DOCK9: variants seen among roughly 807,000 people sequenced by gnomAD.
DOCK9 encodes the protein dedicator of cytokinesis 9, also known as dedicator of cytokinesis protein 9.
Under a neutral mutation model 263.3 loss-of-function variants are expected in DOCK9, and 89 were observed. That is an observed-to-expected ratio of 0.34 (90% CI 0.28 to 0.40). The LOEUF is 0.40. Among genes scored for constraint, DOCK9 ranks in the 10% least tolerant of loss-of-function variants. DOCK9 has a pLI of 1.00. For synonymous variants in DOCK9, 976 were observed against 973.1 expected, an observed-to-expected ratio of 1.00 and a Z score of -0.06; for missense variants, 2,140 against 2,603.4, an observed-to-expected ratio of 0.82 and a Z score of 3.87.
chr13:98,884,905 T>C, intron 21 of DOCK9, 66 bp downstream of exon 21: 1 of 1,515,810 alleles, frequency 6.6e-7, no homozygotes, highest in Non-Finnish European at 9.0e-7. Flanking sequence ...GTGTTATTGT[T>C]GTTTTAGTTG....
intron 38 of DOCK9, among the ~76,000 whole-genome samples, chr13:98,839,202 A>G (rs2093120396): frequency 6.6e-6 from 1 of 152,198 alleles, no homozygotes; most frequent in South Asian, 2.1e-4. Context: ...CGTCTCTCCA[A>G]ATTTAGTGAG....
At chr13:99,053,190 A>C (rs1378057951) in intron 1 of DOCK9, among the ~76,000 whole-genome samples, 1 of 152,208 alleles carries the variant, frequency 6.6e-6, no homozygotes, top group African/African-American at 2.4e-5. Flanking sequence ...TTTTCTATTG[A>C]AATCAGATAA....
rs75508770 is a variant in DOCK9 at position 98,989,195 on chromosome 13, A to G, written c.130-33644T>C. Among the ~76,000 whole-genome samples the G allele has an allele frequency of 1.2e-4, 19 of 152,128 alleles. No homozygotes were observed. In the East Asian group the frequency reaches 3.5e-3, roughly 28 times the overall value. On this transcript the variant is annotated intron_variant, in intron 1 of 32. Transcript: ENST00000427887. ...GAGACCCTCCAGAATATTCCATCCC[A>G]AAGAATATTTTCCTCCTTGGTACTC...
chr13:98,904,095 C>T (rs2048738453), intron 10 of DOCK9, among the ~76,000 whole-genome samples: 1 of 152,156 alleles, frequency 6.6e-6, no homozygotes, highest in African/African-American at 2.4e-5. Flanking sequence ...CTGAACCGTA[C>T]ACTTAAAAAT....
chr13:99,041,036 GCTA>G (rs1179143674), intron 1 of DOCK9, among the ~76,000 whole-genome samples: 2 of 152,184 alleles, frequency 1.3e-5, no homozygotes, highest in African/African-American at 4.8e-5. Flanking sequence ...ACAGTGTGGA[GCTA>G]CTGTGTATGG....
chr13:99,034,318 C>T (rs7338227), intron 1 of DOCK9, among the ~76,000 whole-genome samples: 75,221 of 151,912 alleles, frequency 0.5, 18,899 homozygotes, highest in East Asian at 0.65. Flanking sequence ...CAGTAGCACA[C>T]CCAAGAGGTG....
intron 1 of DOCK9, among the ~76,000 whole-genome samples, chr13:99,033,218 G>C (rs1212542702): frequency 6.6e-6 from 1 of 152,210 alleles, no homozygotes; most frequent in African/African-American, 2.4e-5. Context: ...GGCAGGACCA[G>C]TAGTAGAGAA....
intron 9 of DOCK9, among the ~76,000 whole-genome samples, chr13:98,911,778 AAT>A (rs2050086018): frequency 6.6e-6 from 1 of 151,810 alleles, no homozygotes; most frequent in Non-Finnish European, 1.5e-5. Flanking sequence ...GTGCCACCAA[AAT>A]AATAATGACA....
Position 98,807,303 on chromosome 13 carries a change from C to T in DOCK9, c.5514+358G>A, listed in dbSNP as rs558997339. 1.1e-4 allele frequency among the ~76,000 whole-genome samples: 16 copies of T among 152,282 alleles called. No individual in the cohort carries two copies. In the East Asian group the frequency reaches 1.4e-3, roughly 13 times the overall value. On this transcript the variant is annotated intron_variant, in intron 48 of 52. Coordinates refer to ENST00000682017, the MANE Select transcript of DOCK9 (RefSeq NM_001366683.2). ...CTGTTCACCTGTCCTTACATCCAGC[C>T]GTCAGTGACAGAGTGGCAAGTCATG... is the stretch of plus-strand genomic sequence containing the variant.
intron 1 of DOCK9, among the ~76,000 whole-genome samples, chr13:99,056,150 TC>T (rs1454729419): frequency 3.3e-5 from 5 of 152,238 alleles, no homozygotes; most frequent in Non-Finnish European, 7.3e-5. Context: ...TATATTTTTT[TC>T]CTGTAAACGG....
intron 2 of DOCK9, among the ~76,000 whole-genome samples, chr13:98,937,756 T>G (rs2055131144): frequency 6.6e-6 from 1 of 151,264 alleles, no homozygotes. Context: ...AAGCACAGAG[T>G]TGCTCCCAGA....
At chr13:99,086,207 G>C in intron 1 of DOCK9, 1 of 1,485,048 alleles carries the variant, frequency 6.7e-7, no homozygotes, top group Non-Finnish European at 8.9e-7. Context: ...CCGGCCCGCG[G>C]TCGTCCCGCA....
chr13:98,930,863 C>T (rs1258342197), intron 2 of DOCK9, among the ~76,000 whole-genome samples: 1 of 152,164 alleles, frequency 6.6e-6, no homozygotes, highest in African/African-American at 2.4e-5. Context: ...AGGCTGGTCT[C>T]GAACTCCTAA....
At chr13:99,030,205 A>T (rs973002804) in intron 1 of DOCK9, among the ~76,000 whole-genome samples, 1 of 152,246 alleles carries the variant, frequency 6.6e-6, no homozygotes, top group African/African-American at 2.4e-5. Flanking sequence ...AAATGTGCAA[A>T]TTTACTAAAA....
At chr13:99,071,125 T>C (rs1278892235) in intron 1 of DOCK9, among the ~76,000 whole-genome samples, 1 of 152,018 alleles carries the variant, frequency 6.6e-6, no homozygotes, top group Non-Finnish European at 1.5e-5. Flanking sequence ...ACACAATTTG[T>C]ATGTGATATA....
chr13:98,860,612 A>G (rs2093835413), intron 32 of DOCK9, 90 bp from the exon 33 acceptor site: 2 of 1,272,566 alleles, frequency 1.6e-6, no homozygotes, highest in Non-Finnish European at 2.2e-6. Flanking sequence ...GTGCAGGACC[A>G]AGACAGCCTG....
At chr13:98,929,092 A>C (rs1375467754) in intron 3 of DOCK9, among the ~76,000 whole-genome samples, 1 of 152,172 alleles carries the variant, frequency 6.6e-6, no homozygotes, top group Non-Finnish European at 1.5e-5. Context: ...TCAACTAGAA[A>C]AACCAGGATT....
intron 1 of DOCK9, among the ~76,000 whole-genome samples, chr13:99,053,176 G>A (rs1382023152): frequency 6.6e-6 from 1 of 152,102 alleles, no homozygotes; most frequent in African/African-American, 2.4e-5. Context: ...CATCCCTACT[G>A]TCCTTTTCTA....
intron 1 of DOCK9, among the ~76,000 whole-genome samples, chr13:98,973,436 C>T (rs1390502704): frequency 6.6e-6 from 1 of 152,202 alleles, no homozygotes; most frequent in Admixed American, 6.5e-5. Flanking sequence ...CCAAGTCCTA[C>T]TACTACTTTC....
Sources: allele counts gnomAD v4.1 joint callset (sites outside exome capture counted in the v4.1 genomes callset), GRCh38; gene constraint gnomAD v4.1.1; transcripts MANE v1.5; gene names NCBI Gene and HGNC (gene_info 2026-07-23, HGNC 2026-07-21).